COLGALT2: variants seen among roughly 807,000 people sequenced by gnomAD.
COLGALT2 encodes collagen beta(1-O)galactosyltransferase 2, also known as procollagen galactosyltransferase 2.
A neutral mutation model predicts 73.4 loss-of-function variants in COLGALT2; 49 were observed. That is an observed-to-expected ratio of 0.67 (90% CI 0.53 to 0.85). The LOEUF (loss-of-function observed/expected upper bound fraction) is 0.85. Ranked by LOEUF, COLGALT2 falls within the 40% of genes least tolerant of loss-of-function variation. The pLI, the probability that COLGALT2 is intolerant of heterozygous loss-of-function variation, is 0.00. For missense variants in COLGALT2, 722 were observed against 790.2 expected, an observed-to-expected ratio of 0.91 and a Z score of 1.03; for synonymous variants, 295 against 307.6, an observed-to-expected ratio of 0.96 and a Z score of 0.43.
intron 1 of COLGALT2, among the ~76,000 whole-genome samples, chr1:184,034,185 T>C (rs144858977): frequency 3.9e-4 from 59 of 152,250 alleles, no homozygotes; most frequent in African/African-American, 1.2e-3. Flanking sequence ...AGAGATTCTA[T>C]GGTACAATAC....
intron 1 of COLGALT2, among the ~76,000 whole-genome samples, chr1:183,982,506 C>T (rs1002390274): frequency 3.9e-5 from 6 of 152,168 alleles, no homozygotes. Flanking sequence ...CCATAAAGCA[C>T]CTTATTCTTC....
At chr1:183,958,090 C>A (rs1162869833) in intron 6 of COLGALT2, among the ~76,000 whole-genome samples, 1 of 152,152 alleles carries the variant, frequency 6.6e-6, no homozygotes, top group African/African-American at 2.4e-5. Flanking sequence ...CCGAAGGCAG[C>A]ACATCCCCAA....
chr1:183,933,329 C>A (rs1052719329), downstream of COLGALT2, among the ~76,000 whole-genome samples: 2 of 152,186 alleles, frequency 1.3e-5, no homozygotes, highest in South Asian at 4.1e-4. Flanking sequence ...GTGTGTGGTG[C>A]GCTAGAAGCT....
At chr1:184,022,218 A>G (rs1359760910) in intron 1 of COLGALT2, among the ~76,000 whole-genome samples, 1 of 152,242 alleles carries the variant, frequency 6.6e-6, no homozygotes, top group Non-Finnish European at 1.5e-5. Flanking sequence ...AATTTCTACT[A>G]CAATGACTAA....
chr1:183,995,260 GAA>G (rs1464548379), intron 1 of COLGALT2, among the ~76,000 whole-genome samples: 1 of 152,090 alleles, frequency 6.6e-6, no homozygotes, highest in African/African-American at 2.4e-5. Flanking sequence ...CTGATTGAGA[GAA>G]AAAAATCTCC....
chr1:184,029,865 CA>C (rs1469500915), intron 1 of COLGALT2, among the ~76,000 whole-genome samples: 3 of 152,032 alleles, frequency 2.0e-5, no homozygotes, highest in African/African-American at 7.3e-5. Context: ...GATAGGCTGG[CA>C]GTGTTTAAAG....
At chr1:183,966,871 C>G (rs532556836) in intron 5 of COLGALT2, among the ~76,000 whole-genome samples, 2 of 152,348 alleles carry the variant, frequency 1.3e-5, no homozygotes, top group Admixed American at 1.3e-4. Flanking sequence ...TGGATTGCTC[C>G]TCACTCATCA....
intron 11 of COLGALT2, among the ~76,000 whole-genome samples, 191 bp downstream of exon 11, chr1:183,940,390 A>G (rs878864331): frequency 1.3e-5 from 2 of 152,232 alleles, no homozygotes; most frequent in South Asian, 4.1e-4. Context: ...GACACTCACC[A>G]TCTCTGCCTC....
At chr1:183,939,132 G>C in intron 11 of COLGALT2, 95 bp from the exon 12 acceptor site, 1 of 803,444 alleles carries the variant, frequency 1.2e-6, no homozygotes. Context: ...GTTACCTCAT[G>C]AGTTCATTTC....
chr1:183,954,199 T>G (rs752008220), intron 7 of COLGALT2, among the ~76,000 whole-genome samples: 2 of 152,218 alleles, frequency 1.3e-5, no homozygotes, highest in Non-Finnish European at 2.9e-5. Flanking sequence ...AACTAAAACT[T>G]AATAATAAAT....
intron 7 of COLGALT2, among the ~76,000 whole-genome samples, chr1:183,953,484 A>T (rs1216229556): frequency 6.6e-6 from 1 of 152,124 alleles, no homozygotes; most frequent in Non-Finnish European, 1.5e-5. Flanking sequence ...TTTGGTCCTC[A>T]TAGGAATGTT....
chr1:184,029,433 C>A (rs1157323594), intron 1 of COLGALT2, among the ~76,000 whole-genome samples: 3 of 152,120 alleles, frequency 2.0e-5, no homozygotes, highest in Non-Finnish European at 1.5e-5. Context: ...GCTCACCACC[C>A]AAATGTCAAC....
At chr1:184,026,020 A>T (rs1325682075) in intron 1 of COLGALT2, among the ~76,000 whole-genome samples, 2 of 152,214 alleles carry the variant, frequency 1.3e-5, no homozygotes, top group Non-Finnish European at 2.9e-5. Context: ...TCATCAAATG[A>T]TTCCAATAAG....
At chr1:184,002,818 T>G (rs1208008890) in intron 1 of COLGALT2, among the ~76,000 whole-genome samples, 1 of 152,182 alleles carries the variant, frequency 6.6e-6, no homozygotes, top group Non-Finnish European at 1.5e-5. Flanking sequence ...GGGCTTAATA[T>G]CTACCAGAAT....
At chr1:183,947,148 T>C (rs1670274269) in intron 8 of COLGALT2, among the ~76,000 whole-genome samples, 1 of 152,056 alleles carries the variant, frequency 6.6e-6, no homozygotes, top group South Asian at 2.1e-4. Context: ...AATTCAACAA[T>C]AATAGGGGAA....
intron 1 of COLGALT2, among the ~76,000 whole-genome samples, chr1:184,021,890 C>T (rs1649192539): frequency 1.3e-5 from 2 of 152,194 alleles, no homozygotes; most frequent in African/African-American, 4.8e-5. Context: ...AGTCCCCAGA[C>T]AGGATTTGCA....
chr1:184,004,852 G>A (rs1322917661), intron 1 of COLGALT2, among the ~76,000 whole-genome samples: 2 of 152,224 alleles, frequency 1.3e-5, no homozygotes, highest in Middle Eastern at 3.4e-3. Flanking sequence ...GCAGGGGGAC[G>A]TGGGAGTCAC....
At chr1:183,947,260 T>C (rs943747587) in intron 8 of COLGALT2, among the ~76,000 whole-genome samples, 6 of 152,160 alleles carry the variant, frequency 3.9e-5, no homozygotes, top group African/African-American at 1.4e-4. Context: ...AGCAGACATC[T>C]ATAGAACATT....
downstream of COLGALT2, among the ~76,000 whole-genome samples, chr1:183,933,906 A>T (rs1050701757): frequency 6.6e-6 from 1 of 152,212 alleles, no homozygotes; most frequent in Non-Finnish European, 1.5e-5. Flanking sequence ...CTCAGAGACG[A>T]TTCTTCATTC....
Sources: gnomAD v4.1 joint callset for allele counts (sites outside exome capture counted in the v4.1 genomes callset) on GRCh38, gnomAD v4.1.1 for gene constraint, MANE v1.5 for transcripts, NCBI Gene and HGNC (gene_info 2026-07-23, HGNC 2026-07-21) for gene names.